The following OR51B5 variants were observed in gnomAD, a reference collection of about 807,000 sequenced individuals.
The protein encoded by OR51B5 is olfactory receptor 51B5.
For missense variants in OR51B5, 456 were observed against 374.6 expected, an observed-to-expected ratio of 1.22 and a Z score of -1.79; for synonymous variants, 186 against 144.8, an observed-to-expected ratio of 1.28 and a Z score of -2.04.
At position 5,503,111 on chromosome 11, in the gene OR51B5, GCTAT is replaced by G. The variant is rs533999328; in HGVS notation, n.84+2454_84+2457del. 1.1e-4 allele frequency among the ~76,000 whole-genome samples: 16 copies of G among 152,276 alleles called. No homozygotes were observed. In the East Asian group the frequency reaches 2.9e-3, roughly 28 times the overall value. On this transcript the variant is annotated intron_variant and non_coding_transcript_variant, in intron 1 of 4. Transcript: ENST00000415970. ...GTACAAACATCATAGTATTGGTAGTGCTATCTGTGTAGTGAATTTTTCTATATTC... is the reference window on the plus strand; with the variant it reads ...GTACAAACATCATAGTATTGGTAGTGCTGTGTAGTGAATTTTTCTATATTC...
chr11:5,375,897 A>G (rs1249152243), intron 1 of OR51B5, among the ~76,000 whole-genome samples: 3 of 152,182 alleles, frequency 2.0e-5, no homozygotes, highest in Admixed American at 1.3e-4. Flanking sequence ...CATTAGACAG[A>G]TCAACGAGAC....
intron 1 of OR51B5, among the ~76,000 whole-genome samples, chr11:5,375,976 A>G (rs1304804464): frequency 6.6e-6 from 1 of 152,072 alleles, no homozygotes; most frequent in Non-Finnish European, 1.5e-5. Context: ...AGACATCTAC[A>G]GAACTCTCCA....
chr11:5,407,676 GT>G (rs34005828), intron 1 of OR51B5, among the ~76,000 whole-genome samples: 118,982 of 145,796 alleles, frequency 0.82, 48,873 homozygotes, highest in Non-Finnish European at 0.88. Context: ...TCTTCCATCA[GT>G]TTTTTTTTTT....
intron 1 of OR51B5, among the ~76,000 whole-genome samples, chr11:5,457,744 G>A (rs577570107): frequency 2.0e-5 from 3 of 152,110 alleles, no homozygotes; most frequent in African/African-American, 7.2e-5. Context: ...TCCTTTATAT[G>A]CTTGTTGGCC....
chr11:5,420,138 G>C (rs1321657113), intron 1 of OR51B5, among the ~76,000 whole-genome samples: 6 of 151,534 alleles, frequency 4.0e-5, no homozygotes, highest in Non-Finnish European at 5.9e-5. Flanking sequence ...TTCATTAAAA[G>C]GTTTTATCCT....
chr11:5,461,195 T>C (rs1291171967), intron 1 of OR51B5, among the ~76,000 whole-genome samples: 1 of 152,172 alleles, frequency 6.6e-6, no homozygotes, highest in Non-Finnish European at 1.5e-5. Context: ...GGGTCCCCAG[T>C]GCTCATGTGC....
At chr11:5,343,189 A>C in exon 1 of OR51B5, 1 of 1,613,882 alleles carries the variant, frequency 6.2e-7, no homozygotes, top group Non-Finnish European at 8.5e-7. Flanking sequence ...TGGCAAGCAG[A>C]ATGCCAGACT....
At chr11:5,439,065 T>C (rs958578391) in intron 1 of OR51B5, among the ~76,000 whole-genome samples, 5 of 152,016 alleles carry the variant, frequency 3.3e-5, no homozygotes, top group African/African-American at 1.2e-4. Context: ...ACCATCTCAG[T>C]ATGACAATCA....
intron 1 of OR51B5, among the ~76,000 whole-genome samples, chr11:5,367,466 C>T (rs11826587): frequency 0.27 from 40,799 of 152,018 alleles, 5,744 homozygotes; most frequent in African/African-American, 0.32. Context: ...CTTTTCAGAC[C>T]GCTTAGCGTA....
At chr11:5,355,816 A>C (rs1849185315) in intron 1 of OR51B5, among the ~76,000 whole-genome samples, 1 of 152,132 alleles carries the variant, frequency 6.6e-6, no homozygotes, top group Non-Finnish European at 1.5e-5. Flanking sequence ...AATTTTCTTA[A>C]AGGATCAATG....
intron 1 of OR51B5, among the ~76,000 whole-genome samples, chr11:5,348,854 T>C (rs1849033518): frequency 6.6e-6 from 1 of 151,830 alleles, no homozygotes; most frequent in Admixed American, 6.6e-5. Context: ...ATATTAACCA[T>C]CACAGAAAGG....
chr11:5,483,377 G>T (rs1214245108), intron 1 of OR51B5, among the ~76,000 whole-genome samples: 1 of 104,296 alleles, frequency 9.6e-6, no homozygotes, highest in African/African-American at 3.8e-5. Context: ...GGAGGGGGGA[G>T]GGATAGCATT....
intron 1 of OR51B5, among the ~76,000 whole-genome samples, chr11:5,401,959 C>T (rs1377063522): frequency 6.7e-6 from 1 of 148,370 alleles, no homozygotes; most frequent in Non-Finnish European, 1.5e-5. Flanking sequence ...TCTCTTCTTT[C>T]CTTCCTTCTT....
intron 1 of OR51B5, among the ~76,000 whole-genome samples, chr11:5,434,675 C>T (rs191964145): frequency 8.5e-5 from 13 of 152,276 alleles, no homozygotes; most frequent in African/African-American, 1.4e-4. Flanking sequence ...AGATTGGCAA[C>T]GTCAAGGAGA....
At chr11:5,489,257 A>C in intron 1 of OR51B5, 2 of 1,614,016 alleles carry the variant, frequency 1.2e-6, no homozygotes, top group Non-Finnish European at 1.7e-6. Flanking sequence ...TACTGTGAGC[A>C]TATGGGCATT....
intron 1 of OR51B5, among the ~76,000 whole-genome samples, chr11:5,483,392 G>A (rs1304881726): frequency 1.4e-5 from 2 of 141,492 alleles, no homozygotes; most frequent in African/African-American, 5.3e-5. Flanking sequence ...AGCATTGGGA[G>A]ATATACCTAA....
chr11:5,384,034 G>T (rs952773394), intron 1 of OR51B5: 1 of 152,176 alleles, frequency 6.6e-6, no homozygotes, highest in Admixed American at 6.5e-5. Context: ...CAAAAGCAGT[G>T]AGCCCAAAAA....
intron 1 of OR51B5, among the ~76,000 whole-genome samples, chr11:5,374,317 C>A (rs1262768204): frequency 1.3e-5 from 2 of 151,952 alleles, no homozygotes; most frequent in East Asian, 1.9e-4. Context: ...ACATCCACAC[C>A]AAAAACCCAT....
chr11:5,365,692 T>A (rs1402425242), intron 1 of OR51B5, among the ~76,000 whole-genome samples: 1 of 152,242 alleles, frequency 6.6e-6, no homozygotes, highest in Non-Finnish European at 1.5e-5. Context: ...CCTGATTTTA[T>A]TCAACCCAAA....
Sources: allele counts gnomAD v4.1 joint callset (sites outside exome capture counted in the v4.1 genomes callset), GRCh38; gene constraint gnomAD v4.1.1; transcripts MANE v1.5; gene names NCBI Gene and HGNC (gene_info 2026-07-23, HGNC 2026-07-21).